PSMA6: variants seen among roughly 807,000 people sequenced by gnomAD.
PSMA6 encodes proteasome subunit alpha type-6.
For synonymous variants in PSMA6, 88 were observed against 97.7 expected (o/e 0.90, Z 0.59); for missense variants, 170 against 294.8 (o/e 0.58, Z 3.10).
rs114119787 is a variant in PSMA6 at position 35,284,453 on chromosome 14, A to G, written c.19+5735A>G. Among the ~76,000 whole-genome samples, 1,291 of 152,194 alleles carry G rather than the reference A, an allele frequency of 8.5e-3. 26 individuals carry two copies. Among genetic ancestry groups the G allele is most frequent in the African/African-American group, 0.029 (1,189 of 41,514 alleles). On this transcript the variant is annotated intron_variant, in intron 1 of 6. Transcript: ENST00000540871. ...TGCTCTGTTACACATTTCCTTGTGT[A>G]TTACGGACTACCTCATGTTAGCTTT...
chr14:35,303,093 A>G (rs1320903129), intron 1 of PSMA6, among the ~76,000 whole-genome samples: 4 of 152,132 alleles, frequency 2.6e-5, no homozygotes, highest in Non-Finnish European at 5.9e-5. Flanking sequence ...GTATATTGAG[A>G]GTTCCGGATT....
At chr14:35,293,136 TAC>T (rs1209435025) in intron 1 of PSMA6, 1 of 419,974 alleles carries the variant, frequency 2.4e-6, no homozygotes, top group African/African-American at 2.1e-5. Context: ...TACAAATATC[TAC>T]AGAGTTCAAG....
At chr14:35,310,592 T>C in intron 3 of PSMA6, 148 bp from the exon 4 acceptor site, 1 of 722,704 alleles carries the variant, frequency 1.4e-6, no homozygotes, top group Non-Finnish European at 2.3e-6. Context: ...TTATTTAGTA[T>C]TCATTGGGGG....
At chr14:35,305,780 T>G (rs1000932657) in intron 1 of PSMA6, among the ~76,000 whole-genome samples, 1 of 152,220 alleles carries the variant, frequency 6.6e-6, no homozygotes. Context: ...CATGTATTGA[T>G]TTTTGTTGCT....
chr14:35,314,626 ATTT>A (rs2052006215), intron 6 of PSMA6, 171 bp downstream of exon 6: 1 of 760,516 alleles, frequency 1.3e-6, no homozygotes, highest in Non-Finnish European at 1.8e-6. Flanking sequence ...TTTGGACTCT[ATTT>A]AAGAGTCAGA....
intron 1 of PSMA6, among the ~76,000 whole-genome samples, chr14:35,295,448 CT>C (rs762364057): frequency 2.0e-3 from 282 of 140,466 alleles, no homozygotes; most frequent in Middle Eastern, 3.7e-3. Flanking sequence ...AAGACTTTTT[CT>C]TTTTTTTTTT....
At chr14:35,303,481 T>A (rs545946425) in intron 1 of PSMA6, among the ~76,000 whole-genome samples, 4 of 152,212 alleles carry the variant, frequency 2.6e-5, no homozygotes, top group Non-Finnish European at 4.4e-5. Flanking sequence ...CAGCCTTTAC[T>A]GCTCTCAGAT....
At chr14:35,304,530 G>A (rs1288546491) in intron 1 of PSMA6, among the ~76,000 whole-genome samples, 1 of 151,802 alleles carries the variant, frequency 6.6e-6, no homozygotes, top group African/African-American at 2.4e-5. Context: ...AGGAGTTCAA[G>A]ACCAGCCTGG....
intron 1 of PSMA6, among the ~76,000 whole-genome samples, chr14:35,280,073 C>T (rs543698742): frequency 5.6e-4 from 85 of 151,192 alleles, no homozygotes; most frequent in African/African-American, 2.0e-3. Context: ...TGCAGTGAGC[C>T]GAGATCGCGC....
intron 1 of PSMA6, among the ~76,000 whole-genome samples, chr14:35,307,089 A>G (rs910598469): frequency 1.3e-5 from 2 of 152,186 alleles, no homozygotes; most frequent in Non-Finnish European, 2.9e-5. Flanking sequence ...CGGAGGTTGT[A>G]GTAAGCCAAG....
At chr14:35,283,105 A>G (rs1566547193) in intron 1 of PSMA6, among the ~76,000 whole-genome samples, 1 of 152,006 alleles carries the variant, frequency 6.6e-6, no homozygotes, top group Non-Finnish European at 1.5e-5. Context: ...TGGCCTCCCA[A>G]AGTGCTGGGA....
chr14:35,296,319 G>GTGTTTGTTTGTT (rs140678103), intron 1 of PSMA6, among the ~76,000 whole-genome samples: 10 of 151,580 alleles, frequency 6.6e-5, no homozygotes, highest in African/African-American at 2.2e-4. Context: ...TGTTTTCTGG[G>GTGTTTGTTTGTT]TGTTTGTTTG....
chr14:35,317,099 T>C (rs2052057821), intron 6 of PSMA6, 150 bp from the exon 7 acceptor site: 3 of 603,132 alleles, frequency 5.0e-6, no homozygotes, highest in South Asian at 4.2e-5. Flanking sequence ...GATAAGTGTG[T>C]GTATAGATTT....
chr14:35,295,421 C>T (rs112966162), intron 1 of PSMA6, among the ~76,000 whole-genome samples: 2 of 150,880 alleles, frequency 1.3e-5, no homozygotes, highest in African/African-American at 4.8e-5. Context: ...AGTGTTTGCT[C>T]CCAGGGAGTG....
At chr14:35,310,949 A>G (rs2051932641) in intron 4 of PSMA6, 54 bp downstream of exon 4, 2 of 1,533,634 alleles carry the variant, frequency 1.3e-6, no homozygotes, top group African/African-American at 1.4e-5. Context: ...CTTTTTACAG[A>G]ACATGTATAC....
At chr14:35,288,782 C>G (rs556537789), upstream of PSMA6, among the ~76,000 whole-genome samples, 163 of 152,248 alleles carry the variant, frequency 1.1e-3, no homozygotes, top group Non-Finnish European at 1.9e-3. Context: ...AATATCCCAT[C>G]ACAGGCCAGG....
Position 35,292,742 on chromosome 14 carries a change from G to T in PSMA6, c.76+190G>T. 2.7e-6 allele frequency: 3 copies of T among 1,123,052 alleles called. No homozygotes were observed. The South Asian group carries it at 4.9e-5, about 18-fold the overall frequency. The allele number at this position is 1,123,052 out of a possible 1,614,324, so 69.6% of individuals were successfully genotyped here. On this transcript the variant is annotated intron_variant, in intron 1 of 6. Coordinates refer to ENST00000261479, the MANE Select transcript of PSMA6 (RefSeq NM_002791.3). ...GTCTGGACGCAGGGATCGGGGGCCT[G>T]AAGGCCTGTCTCTGCAGGGCGAGCG...
intron 1 of PSMA6, among the ~76,000 whole-genome samples, chr14:35,297,122 T>G (rs934309739): frequency 2.3e-5 from 3 of 131,886 alleles, no homozygotes; most frequent in Non-Finnish European, 4.9e-5. Flanking sequence ...TAACAAAGTT[T>G]TTTTTTTTTT....
chr14:35,310,365 AG>A (rs1347053849), intron 3 of PSMA6: 1 of 344,988 alleles, frequency 2.9e-6, no homozygotes, highest in Non-Finnish European at 5.6e-6. Flanking sequence ...CATGTTGGCC[AG>A]GCTGGTCTCA....
Sources: gnomAD v4.1 joint callset for allele counts (sites outside exome capture counted in the v4.1 genomes callset) on GRCh38, gnomAD v4.1.1 for gene constraint, MANE v1.5 for transcripts, NCBI Gene and HGNC (gene_info 2026-07-23, HGNC 2026-07-21) for gene names.